Variants in SAMD4A observed in about 807,000 individuals in gnomAD.
The protein encoded by SAMD4A is sterile alpha motif domain containing 4A.
SAMD4A carries 33 observed loss-of-function variants against 81.3 expected under a neutral mutation model. The observed-to-expected ratio is 0.41, with a 90% CI of 0.31 to 0.54. The LOEUF (loss-of-function observed/expected upper bound fraction) is 0.54. Ranked by LOEUF, SAMD4A falls within the 20% of genes least tolerant of loss-of-function variation. The probability of loss-of-function intolerance (pLI) is 0.37; values close to 1 mark genes in which losing one functional copy is unlikely to be tolerated. For missense variants in SAMD4A, 854 were observed against 951.1 expected (o/e 0.90, Z 1.34); for synonymous variants, 389 against 382.1 (o/e 1.02, Z -0.21).
chr14:54,640,836 A>G (rs567073362), intron 2 of SAMD4A, among the ~76,000 whole-genome samples: 71 of 152,136 alleles, frequency 4.7e-4, no homozygotes, highest in Non-Finnish European at 7.2e-4. Flanking sequence ...CTGATTTCCC[A>G]ACAATTACAT....
chr14:54,678,788 T>C (rs1452579676), intron 2 of SAMD4A, among the ~76,000 whole-genome samples: 1 of 152,116 alleles, frequency 6.6e-6, no homozygotes, highest in East Asian at 1.9e-4. Context: ...GACCTCGTGA[T>C]CCGCCCGCCT....
intron 2 of SAMD4A, among the ~76,000 whole-genome samples, chr14:54,653,301 ATAT>A (rs71448404): frequency 0.22 from 28,241 of 130,040 alleles, 3,129 homozygotes; most frequent in East Asian, 0.25. Context: ...CTTCCTCTTA[ATAT>A]TATTATTATT....
chr14:54,656,873 C>T (rs1024847966), intron 2 of SAMD4A, among the ~76,000 whole-genome samples: 1 of 152,112 alleles, frequency 6.6e-6, no homozygotes, highest in Non-Finnish European at 1.5e-5. Flanking sequence ...TCTCAAAGTG[C>T]TGGGATTACA....
At chr14:54,782,287 CTA>C (rs1468265516) in intron 11 of SAMD4A, among the ~76,000 whole-genome samples, 1 of 151,820 alleles carries the variant, frequency 6.6e-6, no homozygotes, top group Non-Finnish European at 1.5e-5. Flanking sequence ...GGAGAGTAAA[CTA>C]AATCTTACAA....
intron 2 of SAMD4A, among the ~76,000 whole-genome samples, chr14:54,673,388 G>C (rs1308440151): frequency 1.3e-5 from 2 of 152,250 alleles, no homozygotes. Context: ...CTTATTTGGT[G>C]CTTCCAAAGT....
intron 2 of SAMD4A, among the ~76,000 whole-genome samples, chr14:54,625,353 C>G (rs770325747): frequency 6.6e-6 from 1 of 152,200 alleles, no homozygotes; most frequent in Non-Finnish European, 1.5e-5. Context: ...ATTTCTGCTT[C>G]GTGACATTCT....
At chr14:54,750,427 GCTGT>G (rs1220920949) in intron 5 of SAMD4A, among the ~76,000 whole-genome samples, 1 of 152,118 alleles carries the variant, frequency 6.6e-6, no homozygotes, top group Non-Finnish European at 1.5e-5. Context: ...TTGAGAGACG[GCTGT>G]CTATCAGGAA....
At position 54,691,976 on chromosome 14, in the gene SAMD4A, A is replaced by G. The variant is rs17127775; in HGVS notation, c.197-10086A>G. 5.4e-3 allele frequency among the ~76,000 whole-genome samples: 828 copies of G among 152,308 alleles called. 4 individuals carry two copies. Among genetic ancestry groups the G allele is most frequent in the Non-Finnish European group, 8.2e-3 (558 of 68,028 alleles). ...TCATACCTAAATGAGTGATACATAC[A>G]TTTTACTATCAACATTGCTAACATG... On this transcript the variant is annotated intron_variant, in intron 2 of 12. Coordinates refer to ENST00000554335, the MANE Select transcript of SAMD4A (RefSeq NM_015589.6).
intron 2 of SAMD4A, among the ~76,000 whole-genome samples, chr14:54,674,887 A>G (rs2035957413): frequency 6.6e-6 from 1 of 152,176 alleles, no homozygotes; most frequent in Non-Finnish European, 1.5e-5. Context: ...TACTGGGAAT[A>G]TTAGGCCCGT....
chr14:54,691,757 C>G lies in SAMD4A; in HGVS notation c.197-10305C>G, dbSNP rs761505255. Among the ~76,000 whole-genome samples the G allele has an allele frequency of 3.3e-5, 5 of 152,156 alleles. 1 individual carries two copies. Among genetic ancestry groups the G allele is most frequent in the Middle Eastern group, 6.3e-3 (2 of 316 alleles). Reference sequence around the variant, plus strand: ...TGTGCCTCTAGCTCCCTCTACAGGGCTGTGCCCCAGGAGGACAGGAGAGCC... The same window carrying G: ...TGTGCCTCTAGCTCCCTCTACAGGGGTGTGCCCCAGGAGGACAGGAGAGCC... On this transcript the variant is annotated intron_variant, in intron 2 of 12. Transcript: ENST00000554335.
rs115809844 is a variant in SAMD4A at position 54,740,372 on chromosome 14, G to A, written c.979+3085G>A. Among the ~76,000 whole-genome samples the A allele has an allele frequency of 9.2e-3, 1,399 of 152,234 alleles. 5 individuals are homozygous for A. The highest frequency in any genetic ancestry group is 1.0e-2 in the African/African-American group (415 of 41,550). ...ATCATCTAATGCTATTATTCTAATC[G>A]TTAAACGTCCAGTTTAGAAGAACAA... On this transcript the variant is annotated intron_variant, in intron 4 of 12. Coordinates refer to ENST00000554335, the MANE Select transcript of SAMD4A (RefSeq NM_015589.6).
chr14:54,591,108 C>T (rs2033762127), intron 2 of SAMD4A, among the ~76,000 whole-genome samples: 1 of 152,120 alleles, frequency 6.6e-6, no homozygotes, highest in Non-Finnish European at 1.5e-5. Context: ...CCGTGATTGG[C>T]TTTTAGCACA....
chr14:54,680,889 C>T (rs1226787317), intron 2 of SAMD4A, among the ~76,000 whole-genome samples: 5 of 152,158 alleles, frequency 3.3e-5, no homozygotes, highest in African/African-American at 4.8e-5. Context: ...ACCCTGCCAG[C>T]GGAGCCAGAG....
At chr14:54,609,539 C>T (rs1370483380) in intron 2 of SAMD4A, among the ~76,000 whole-genome samples, 1 of 152,184 alleles carries the variant, frequency 6.6e-6, no homozygotes, top group Non-Finnish European at 1.5e-5. Flanking sequence ...ATAGCCTGCT[C>T]CTGATGGTCA....
At chr14:54,627,436 AGCT>A (rs1279202912) in intron 2 of SAMD4A, among the ~76,000 whole-genome samples, 1 of 152,158 alleles carries the variant, frequency 6.6e-6, no homozygotes, top group Non-Finnish European at 1.5e-5. Context: ...TAGATGATCT[AGCT>A]CCTGAATATC....
intron 9 of SAMD4A, among the ~76,000 whole-genome samples, chr14:54,771,986 T>G (rs748093121): frequency 2.8e-4 from 42 of 152,250 alleles, no homozygotes; most frequent in African/African-American, 1.0e-3. Context: ...GGACCCCTTT[T>G]AATTGATTAG....
At chr14:54,725,931 T>C (rs2037404986) in intron 3 of SAMD4A, among the ~76,000 whole-genome samples, 1 of 152,330 alleles carries the variant, frequency 6.6e-6, no homozygotes, top group South Asian at 2.1e-4. Context: ...GAGCTGCGTA[T>C]GTAGTTAGAG....
At chr14:54,630,314 A>G (rs1046978801) in intron 2 of SAMD4A, among the ~76,000 whole-genome samples, 2 of 152,172 alleles carry the variant, frequency 1.3e-5, no homozygotes, top group South Asian at 2.1e-4. Flanking sequence ...AAGGGTTCCA[A>G]TTTCTCCATA....
intron 2 of SAMD4A, among the ~76,000 whole-genome samples, chr14:54,583,132 C>T (rs771957503): frequency 4.6e-5 from 7 of 151,782 alleles, no homozygotes; most frequent in Non-Finnish European, 8.8e-5. Flanking sequence ...TTAGTAGAGA[C>T]GGGATAAAAA....
Sources: allele counts gnomAD v4.1 joint callset (sites outside exome capture counted in the v4.1 genomes callset), GRCh38; gene constraint gnomAD v4.1.1; transcripts MANE v1.5; gene names NCBI Gene and HGNC (gene_info 2026-07-23, HGNC 2026-07-21).